CCDC171: variants seen among roughly 807,000 people sequenced by gnomAD.
CCDC171 encodes the protein coiled-coil domain-containing protein 171.
Under a neutral mutation model 168.2 loss-of-function variants are expected in CCDC171, and 177 were observed. The ratio of observed to expected loss-of-function variants is 1.05; its 90% CI spans 0.93 to 1.19. The LOEUF (loss-of-function observed/expected upper bound fraction) is 1.19, where lower values mean the gene tolerates loss of function less well. Ranked by LOEUF, CCDC171 falls within the 50% of genes most tolerant of loss-of-function variation. The pLI, the probability that CCDC171 is intolerant of heterozygous loss-of-function variation, is 0.00. For missense variants in CCDC171, 1,991 were observed against 1,539.0 expected, an observed-to-expected ratio of 1.29 and a Z score of -4.91; for synonymous variants, 687 against 540.8, an observed-to-expected ratio of 1.27 and a Z score of -3.75.
chr9:15,678,708 G>A, intron 9 of CCDC171, 50 bp from the exon 10 acceptor site: 7 of 1,492,360 alleles, frequency 4.7e-6, no homozygotes, highest in Non-Finnish European at 6.3e-6. Flanking sequence ...TGTAATATCA[G>A]TTGATGTAAG....
intron 25 of CCDC171, among the ~76,000 whole-genome samples, chr9:15,946,486 T>G (rs3118737): frequency 0.76 from 115,963 of 151,782 alleles, 45,178 homozygotes; most frequent in East Asian, 0.84. Flanking sequence ...CCTCTTCAAG[T>G]AGAACTACAA....
the CCDC171 span, among the ~76,000 whole-genome samples, chr9:16,091,888 G>A: frequency 6.6e-6 from 1 of 152,104 alleles, no homozygotes; most frequent in Non-Finnish European, 1.5e-5. Flanking sequence ...TTAAAATTAC[G>A]ATGTGAGTGA....
At chr9:15,760,706 A>G (rs529962169) in intron 18 of CCDC171, among the ~76,000 whole-genome samples, 3 of 152,312 alleles carry the variant, frequency 2.0e-5, no homozygotes, top group South Asian at 2.1e-4. Flanking sequence ...AGGAGGTTCA[A>G]TAACAATAGC....
Position 15,839,552 on chromosome 9 carries a change from C to T in CCDC171, c.3268-7150C>T, listed in dbSNP as rs139262641. Among the ~76,000 whole-genome samples, 1,015 of 152,222 alleles carry T rather than the reference C, an allele frequency of 6.7e-3. 20 individuals carry two copies. Among genetic ancestry groups the T allele is most frequent in the African/African-American group, 0.023 (963 of 41,528 alleles). The stretch of plus-strand genomic sequence containing the variant: ...AGGAATGGTAATACTATATACCTCA[C>T]TGGATTATAAAGAATCAAATGAACT... On this transcript the variant is annotated intron_variant, in intron 21 of 25. Coordinates refer to ENST00000380701, the MANE Select transcript of CCDC171 (RefSeq NM_173550.4).
intron 8 of CCDC171, among the ~76,000 whole-genome samples, chr9:15,660,561 G>A (rs1425701439): frequency 3.3e-5 from 5 of 152,200 alleles, no homozygotes; most frequent in African/African-American, 1.2e-4. Flanking sequence ...TTATAAGTGA[G>A]AACATGTGGT....
intron 24 of CCDC171, among the ~76,000 whole-genome samples, chr9:15,911,003 C>G (rs2131831550): frequency 6.6e-6 from 1 of 152,278 alleles, no homozygotes; most frequent in African/African-American, 2.4e-5. Flanking sequence ...CTGCAGTAAA[C>G]ATATGTGTGC....
intron 25 of CCDC171, among the ~76,000 whole-genome samples, chr9:15,931,423 T>C (rs1461265035): frequency 6.6e-6 from 1 of 151,210 alleles, no homozygotes; most frequent in Non-Finnish European, 1.5e-5. Flanking sequence ...TTTGCCTATT[T>C]TTAAATTGGG....
rs2055328184 is a variant in CCDC171, at chr9:15,746,848, A to T, written c.2671+1217A>T. On this transcript the variant is annotated intron_variant, in intron 18 of 25. Transcript: ENST00000380701. The stretch of plus-strand genomic sequence containing the variant: ...GTCAGGGGATTTTCGTTTCCTAGCC[A>T]AGGGAAGCTGTGAGAGACTGTACTG... Among the ~76,000 whole-genome samples, 6 of 152,202 alleles carry T rather than the reference A, an allele frequency of 3.9e-5. No individual in the cohort carries two copies. The South Asian group carries it at 1.2e-3, about 31-fold the overall frequency.
At chr9:15,608,473 T>C (rs947980198) in intron 6 of CCDC171, among the ~76,000 whole-genome samples, 1 of 152,174 alleles carries the variant, frequency 6.6e-6, no homozygotes, top group African/African-American at 2.4e-5. Context: ...CTTGGTATTT[T>C]TCAGATTTAA....
In CCDC171 at chr9:15,723,674, T is replaced by A; in HGVS notation, c.1426-7T>A. On this transcript the variant is annotated splice_region_variant and splice_polypyrimidine_tract_variant and intron_variant, in intron 12 of 25. Transcript: ENST00000380701. ...TTCATCAGCTAAACAGCATGAATGA[T>A]GTTAAGGAAAAGGCATGTAATGAAC... is the stretch of plus-strand genomic sequence containing the variant. 1 of 1,589,532 alleles carries A rather than the reference T, an allele frequency of 6.3e-7. No homozygotes were observed.
At chr9:15,743,384 A>G (rs964427747) in intron 16 of CCDC171, among the ~76,000 whole-genome samples, 1 of 151,434 alleles carries the variant, frequency 6.6e-6, no homozygotes, top group Non-Finnish European at 1.5e-5. Context: ...GTTGCCCAGG[A>G]TGGTCTCAAA....
chr9:15,616,512 T>A (rs2044096583), intron 6 of CCDC171, among the ~76,000 whole-genome samples: 1 of 152,168 alleles, frequency 6.6e-6, no homozygotes, highest in Admixed American at 6.5e-5. Context: ...CATCTTTTTG[T>A]TATAGACTCC....
chr9:15,726,678 A>G (rs1018243557), intron 14 of CCDC171, among the ~76,000 whole-genome samples: 1 of 152,152 alleles, frequency 6.6e-6, no homozygotes, highest in African/African-American at 2.4e-5. Flanking sequence ...ATATTTTGAT[A>G]TTTGTAAGAA....
intron 11 of CCDC171, among the ~76,000 whole-genome samples, chr9:15,701,805 A>T (rs2051770496): frequency 6.6e-6 from 1 of 152,174 alleles, no homozygotes; most frequent in African/African-American, 2.4e-5. Context: ...ATCCACGAGG[A>T]TTGGAATCAA....
chr9:16,077,215 A>G, the CCDC171 span, among the ~76,000 whole-genome samples: 1 of 152,128 alleles, frequency 6.6e-6, no homozygotes, highest in Non-Finnish European at 1.5e-5. Flanking sequence ...CTAGGGAGGA[A>G]AAGAGAAGGT....
chr9:15,685,887 A>G (rs1467412581), intron 10 of CCDC171, among the ~76,000 whole-genome samples: 1 of 152,218 alleles, frequency 6.6e-6, no homozygotes, highest in Non-Finnish European at 1.5e-5. Context: ...TTATAATATT[A>G]ATAATTACAA....
intron 9 of CCDC171, among the ~76,000 whole-genome samples, chr9:15,672,898 A>C (rs142738969): frequency 1.3e-5 from 2 of 152,170 alleles, no homozygotes; most frequent in Non-Finnish European, 2.9e-5. Context: ...GAAGAAAGTC[A>C]TTGGTAGCTT....
intron 11 of CCDC171, among the ~76,000 whole-genome samples, chr9:15,704,476 A>G (rs1000759848): frequency 1.7e-4 from 26 of 152,224 alleles, no homozygotes; most frequent in African/African-American, 3.1e-4. Flanking sequence ...GTCTCTTGAC[A>G]TACCTTTCAG....
chr9:15,836,334 C>T (rs1339879380), intron 21 of CCDC171, among the ~76,000 whole-genome samples: 28 of 152,006 alleles, frequency 1.8e-4, no homozygotes, highest in Admixed American at 1.8e-3. Flanking sequence ...TTATCTGGAA[C>T]GCTGTTGGTC....
Sources: allele counts gnomAD v4.1 joint callset (sites outside exome capture counted in the v4.1 genomes callset), GRCh38; gene constraint gnomAD v4.1.1; transcripts MANE v1.5; gene names NCBI Gene and HGNC (gene_info 2026-07-23, HGNC 2026-07-21).